Variants in YTHDC1 observed in about 807,000 individuals in gnomAD.
The protein encoded by YTHDC1 is YTH domain-containing protein 1.
In YTHDC1, 12 loss-of-function variants were observed where a neutral mutation model predicts 107.0. The observed-to-expected ratio is 0.11, with a 90% CI of 0.07 to 0.18. The LOEUF (loss-of-function observed/expected upper bound fraction) is 0.18, where lower values mean the gene tolerates loss of function less well. Ranked by LOEUF, YTHDC1 falls within the 10% of genes least tolerant of loss-of-function variation. YTHDC1 has a pLI of 1.00. For synonymous variants in YTHDC1, 280 were observed against 289.5 expected, an observed-to-expected ratio of 0.97 and a Z score of 0.33; for missense variants, 635 against 898.8, an observed-to-expected ratio of 0.71 and a Z score of 3.75.
At position 68,311,538 on chromosome 4, in the gene YTHDC1, C is replaced by T. The variant is rs1721303677; in HGVS notation, c.*2561G>A. 6.6e-6 allele frequency: 1 copy of T among 152,110 alleles called. No individual in the cohort carries two copies. Among genetic ancestry groups the T allele is most frequent in the Admixed American group, 6.6e-5 (1 of 15,266 alleles). 9.4% of individuals were successfully genotyped at this position (152,110 alleles called of 1,614,324 possible). A position where few individuals can be genotyped will look rare whatever the true frequency, so the allele number is the denominator to read the frequency against. ...CCATGTCTTCTCACAGTGACAAAAG[C>T]TGTCATGTGTACGAATATTAAATAA... is the stretch of plus-strand genomic sequence containing the variant. On this transcript the variant is annotated 3_prime_UTR_variant, in exon 17 of 17. Transcript: ENST00000344157.
chr4:68,344,420 G>C (rs996698517), intron 1 of YTHDC1, among the ~76,000 whole-genome samples: 6 of 152,072 alleles, frequency 3.9e-5, no homozygotes, highest in African/African-American at 1.4e-4. Flanking sequence ...GAAAGAGGAG[G>C]AAAGCTAAAG....
At chr4:68,319,337 T>C (rs564931630) in intron 12 of YTHDC1, among the ~76,000 whole-genome samples, 1 of 152,324 alleles carries the variant, frequency 6.6e-6, no homozygotes, top group South Asian at 2.1e-4. Context: ...TGAAGATGTA[T>C]ACACTGAAAA....
Position 68,322,689 on chromosome 4 carries a change from T to C in YTHDC1, c.1601+60A>G, listed in dbSNP as rs1008663558. 5 of 1,536,270 alleles carry C rather than the reference T, an allele frequency of 3.3e-6. No homozygotes were observed. The highest frequency in any genetic ancestry group is 3.5e-6 in the Non-Finnish European group (4 of 1,131,142). The stretch of plus-strand genomic sequence containing the variant: ...CAGGACAAACTTTTGACGAATCATA[T>C]TCCTCCATCATGTTATTCTGATACA... On this transcript the variant is annotated intron_variant, in intron 11 of 16. Transcript: ENST00000344157. This position sits in a 1 kb window ranked among gnomAD's most constrained non-coding sequence, Gnocchi z 4.8.
intron 2 of YTHDC1, 51 bp downstream of exon 2, chr4:68,338,232 C>G (rs1323928745): frequency 2.0e-6 from 3 of 1,466,912 alleles, no homozygotes; most frequent in Non-Finnish European, 2.8e-6. Context: ...GAAATTGAAT[C>G]TCCTCTATTT....
At position 68,349,824 on chromosome 4, in the gene YTHDC1, CGCG is replaced by C; in HGVS notation, c.-74_-72del. On this transcript the variant is annotated 5_prime_UTR_variant, in exon 1 of 17. Coordinates refer to ENST00000344157, the MANE Select transcript of YTHDC1 (RefSeq NM_001031732.4). ...ACGCGACTCGCGCGGGCGCCGCAGC[CGCG>C]GCAGAAGCACGGGCCCGTCCGTCAG... 6.2e-7 allele frequency: 1 copy of C among 1,607,028 alleles called. No homozygotes were observed. The highest frequency in any genetic ancestry group is 8.5e-7 in the Non-Finnish European group (1 of 1,175,996).
chr4:68,321,481 T>C (rs1048674729), intron 11 of YTHDC1, among the ~76,000 whole-genome samples: 2 of 152,194 alleles, frequency 1.3e-5, no homozygotes, highest in Admixed American at 6.5e-5. Context: ...CATACATAAA[T>C]GGAGGCCCTG....
At chr4:68,330,340 G>C in intron 7 of YTHDC1, 30 bp from the exon 8 acceptor site, 1 of 1,375,994 alleles carries the variant, frequency 7.3e-7, no homozygotes, top group Non-Finnish European at 9.8e-7. Flanking sequence ...ACCACAAAGT[G>C]AAATTAACTA....
At chr4:68,340,007 A>G (rs554321512) in intron 1 of YTHDC1, among the ~76,000 whole-genome samples, 1 of 152,258 alleles carries the variant, frequency 6.6e-6, no homozygotes, top group African/African-American at 2.4e-5. Context: ...AATATCAAAA[A>G]CATCTTTCCA....
chr4:68,318,615 A>C (rs2109682433), intron 14 of YTHDC1, 34 bp from the exon 15 acceptor site: 8 of 1,605,872 alleles, frequency 5.0e-6, no homozygotes, highest in African/African-American at 1.3e-5. Context: ...AATATAATTA[A>C]AAATTATCAC....
intron 1 of YTHDC1, among the ~76,000 whole-genome samples, chr4:68,347,716 T>C (rs1725606530): frequency 6.6e-6 from 1 of 152,200 alleles, no homozygotes; most frequent in Non-Finnish European, 1.5e-5. Context: ...ATCCTTATAA[T>C]TTCCTGTTTC....
At chr4:68,345,847 A>G (rs1009409415) in intron 1 of YTHDC1, among the ~76,000 whole-genome samples, 1 of 151,952 alleles carries the variant, frequency 6.6e-6, no homozygotes, top group African/African-American at 2.4e-5. Flanking sequence ...AATATTTCCC[A>G]TTGTGTTACT....
chr4:68,337,551 A>G, intron 3 of YTHDC1, 21 bp downstream of exon 3: 2 of 1,587,152 alleles, frequency 1.3e-6, no homozygotes, highest in East Asian at 4.5e-5. Context: ...TCTGTTTTAT[A>G]TCTGCAATAA....
chr4:68,336,476 A>G (rs1475961887), intron 4 of YTHDC1, among the ~76,000 whole-genome samples: 1 of 152,194 alleles, frequency 6.6e-6, no homozygotes, highest in Admixed American at 6.5e-5. Flanking sequence ...TTTTATTTAT[A>G]GTCTTCATCT....
At position 68,327,626 on chromosome 4, in the gene YTHDC1, C is replaced by A. The variant is rs116168249; in HGVS notation, c.1349+2376G>T. Among the ~76,000 whole-genome samples, 474 of 152,076 alleles carry A rather than the reference C, an allele frequency of 3.1e-3. 2 individuals carry two copies. The highest frequency in any genetic ancestry group is 0.011 in the African/African-American group (447 of 41,484). ...TAGTTATTATTATATCCAAAGGGTC[C>A]TTAAATATAAATCTAATAATTATTA... On this transcript the variant is annotated intron_variant, in intron 9 of 16. Coordinates refer to ENST00000344157, the MANE Select transcript of YTHDC1 (RefSeq NM_001031732.4).
At position 68,338,002 on chromosome 4, in the gene YTHDC1, G is replaced by A. The variant is rs939352155; in HGVS notation, c.131-102C>T. 3.4e-6 allele frequency: 5 copies of A among 1,475,660 alleles called. No homozygotes were observed. The African/African-American group carries it at 7.1e-5, about 21-fold the overall frequency. The allele number at this position is 1,475,660 out of a possible 1,614,324, so 91.4% of individuals were successfully genotyped here. ...TATATACATCAGGAAGGGGGGATAG[G>A]CCTCATTTCTTTAAAAGTCTTCTGA... On this transcript the variant is annotated intron_variant, in intron 2 of 16. Coordinates refer to ENST00000344157, the MANE Select transcript of YTHDC1 (RefSeq NM_001031732.4).
At chr4:68,345,340 T>C (rs1414730408) in intron 1 of YTHDC1, among the ~76,000 whole-genome samples, 2 of 152,176 alleles carry the variant, frequency 1.3e-5, no homozygotes, top group African/African-American at 4.8e-5. Flanking sequence ...AGATTTAGTA[T>C]TTAAGGAAAG....
rs1721433597 is a variant in YTHDC1, at chr4:68,313,130, C to CT, written c.*968dup. The CT allele has an allele frequency of 6.6e-6, 1 of 152,146 alleles. No individual in the cohort carries two copies. Among genetic ancestry groups the CT allele is most frequent in the African/African-American group, 2.4e-5 (1 of 41,444 alleles). 9.4% of individuals were successfully genotyped at this position (152,146 alleles called of 1,614,324 possible). A position where few individuals can be genotyped will look rare whatever the true frequency, so the allele number is the denominator to read the frequency against. On this transcript the variant is annotated 3_prime_UTR_variant, in exon 17 of 17. Transcript: ENST00000344157. ...ACTTAACCAAATTATTAACATAACT[C>CT]TGTGTATCTTATGTTAGAAATAGAA... is the stretch of plus-strand genomic sequence containing the variant.
intron 1 of YTHDC1, among the ~76,000 whole-genome samples, chr4:68,341,644 T>C (rs1490740592): frequency 1.3e-5 from 2 of 152,104 alleles, no homozygotes; most frequent in African/African-American, 2.4e-5. Context: ...AAAGTCTATT[T>C]GGCCCTTTAC....
Position 68,350,087 on chromosome 4 carries a change from A to G in YTHDC1, c.-334T>C. The stretch of plus-strand genomic sequence containing the variant: ...CCTGCGCGAAACAATCCCGCTCCCG[A>G]AATGCCCTGCGCTGTTTACGCTTCG... On this transcript the variant is annotated 5_prime_UTR_variant, in exon 1 of 17. Transcript: ENST00000344157. 6.4e-6 allele frequency: 3 copies of G among 469,870 alleles called. No homozygotes were observed. The highest frequency in any genetic ancestry group is 1.2e-5 in the Non-Finnish European group (3 of 260,158). The allele number at this position is 469,870 out of a possible 1,614,324, so 29.1% of individuals were successfully genotyped here. A position where few individuals can be genotyped will look rare whatever the true frequency, so the allele number is the denominator to read the frequency against.
Sources: allele counts gnomAD v4.1 joint callset (sites outside exome capture counted in the v4.1 genomes callset), GRCh38; gene constraint gnomAD v4.1.1; non-coding constraint Gnocchi (gnomAD v3.1); transcripts MANE v1.5; gene names NCBI Gene and HGNC (gene_info 2026-07-23, HGNC 2026-07-21).